The following NOM1 variants were observed in gnomAD, a reference collection of about 807,000 sequenced individuals.
NOM1 encodes nucleolar protein with MIF4G domain 1, also known as nucleolar MIF4G domain-containing protein 1.
NOM1 carries 58 observed loss-of-function variants against 73.3 expected under a neutral mutation model. The observed-to-expected ratio is 0.79, with a 90% CI of 0.64 to 0.99. The LOEUF (loss-of-function observed/expected upper bound fraction) is 0.99. Ranked by LOEUF, NOM1 falls within the 50% of genes least tolerant of loss-of-function variation. The pLI is 0.00. For synonymous variants in NOM1, 487 were observed against 446.8 expected, an observed-to-expected ratio of 1.09 and a Z score of -1.14; for missense variants, 1,226 against 1,131.9, an observed-to-expected ratio of 1.08 and a Z score of -1.19.
At chr7:156,967,791 A>G (rs6943879) in intron 9 of NOM1, among the ~76,000 whole-genome samples, 79,770 of 151,942 alleles carry the variant, frequency 0.53, 21,248 homozygotes, top group Middle Eastern at 0.65. Context: ...CCAAAGTGCT[A>G]ATATTACAGG....
chr7:156,957,712 T>G (rs1391452950), intron 3 of NOM1, among the ~76,000 whole-genome samples: 1 of 128,500 alleles, frequency 7.8e-6, no homozygotes, highest in Admixed American at 8.6e-5. Flanking sequence ...CAGGCGGAGC[T>G]TGCAGTGAGC....
chr7:156,956,445 G>C (rs953649412), intron 3 of NOM1, among the ~76,000 whole-genome samples: 2 of 152,136 alleles, frequency 1.3e-5, no homozygotes. Flanking sequence ...CTCATTGAAG[G>C]CTCATTATTT....
chr7:156,954,571 C>G (rs182537744), intron 3 of NOM1, among the ~76,000 whole-genome samples: 1 of 128,308 alleles, frequency 7.8e-6, no homozygotes, highest in African/African-American at 3.1e-5. Flanking sequence ...GTCGTCTAGG[C>G]TGGAGTGCAG....
intron 3 of NOM1, among the ~76,000 whole-genome samples, chr7:156,955,238 C>A (rs1000701473): frequency 1.3e-5 from 2 of 152,216 alleles, no homozygotes; most frequent in Admixed American, 6.5e-5. Flanking sequence ...GTTCCACAGT[C>A]ACTGCCCTCT....
At chr7:156,962,093 A>G (rs1804878630) in intron 4 of NOM1, 58 bp from the exon 5 acceptor site, 22 of 1,434,196 alleles carry the variant, frequency 1.5e-5, no homozygotes, top group East Asian at 2.3e-5. Context: ...GCCAACTTGA[A>G]TGGGCCGTTT....
At position 156,953,528 on chromosome 7, in the gene NOM1, C is replaced by G. The variant is rs757841533; in HGVS notation, c.1113-575C>G. On this transcript the variant is annotated intron_variant, in intron 2 of 10. Transcript: ENST00000275820. ...CCTGCTGCCCCTCCATGGCCTCACC[C>G]ACCCCCTTCCCCCTTGTATTGCTTT... is the stretch of plus-strand genomic sequence containing the variant. Among the ~76,000 whole-genome samples the G allele has an allele frequency of 2.6e-5, 4 of 152,150 alleles. No homozygotes were observed. The East Asian group carries it at 7.7e-4, about 29-fold the overall frequency.
At chr7:156,965,729 A>C (rs1441080748) in intron 7 of NOM1, among the ~76,000 whole-genome samples, 1 of 152,204 alleles carries the variant, frequency 6.6e-6, no homozygotes, top group East Asian at 1.9e-4. Flanking sequence ...CAGCCTGGCC[A>C]ACATGGCAAA....
Position 156,950,025 on chromosome 7 carries a change from C to T in NOM1, c.288C>T (p.Arg96=). Residue 96 remains arginine (R), a synonymous_variant, in exon 1 of 11, where the codon CGC becomes CGT. Coordinates refer to ENST00000275820, the MANE Select transcript of NOM1 (RefSeq NM_138400.2). ...RKEKRHLRKA[R]RLQRTAGPEQ... ...AGAAGCGGCACCTGCGGAAAGCACGCCGGCTGCAGAGGACGGCGGGCCCCG... is the reference window on the plus strand; with the variant it reads ...AGAAGCGGCACCTGCGGAAAGCACGTCGGCTGCAGAGGACGGCGGGCCCCG... 1.3e-6 allele frequency: 2 copies of T among 1,541,914 alleles called. No homozygotes were observed. Among genetic ancestry groups the T allele is most frequent in the South Asian group, 1.2e-5 (1 of 84,122 alleles).
In NOM1 at chr7:156,960,266, C is replaced by G. The variant is rs1052457619; in HGVS notation, c.1632+92C>G. 7 of 1,029,186 alleles carry G rather than the reference C, an allele frequency of 6.8e-6. No individual in the cohort carries two copies. In the African/African-American group the frequency reaches 8.1e-5, roughly 12 times the overall value. 63.8% of individuals were successfully genotyped at this position (1,029,186 alleles called of 1,614,324 possible). ...ATCAGTATCTGGGGTAAATATTACA[C>G]TTGCTTTCCTAGTGATTTCTGTTTT... On this transcript the variant is annotated intron_variant, in intron 4 of 10. Transcript: ENST00000275820.
In NOM1 at chr7:156,954,280, C is replaced by G. The variant is rs544195413; in HGVS notation, c.1290C>G (p.His430Gln). The change falls in exon 3 of 11, where the codon CAC becomes CAG. Residue 430 changes from histidine (H) to glutamine (Q), a missense_variant. Transcript: ENST00000275820. ...MEHVLLVSIL[H>Q]HTVGIEVGAH... Reference sequence around the variant, plus strand: ...ATGTTCTCTTAGTCAGCATCCTTCACCACACAGTTGGAATCGAGGTACAGT... The same window carrying G: ...ATGTTCTCTTAGTCAGCATCCTTCAGCACACAGTTGGAATCGAGGTACAGT... 1 of 1,597,926 alleles carries G rather than the reference C, an allele frequency of 6.3e-7. No individual in the cohort carries two copies. The highest frequency in any genetic ancestry group is 2.2e-5 in the East Asian group (1 of 44,616).
intron 1 of NOM1, among the ~76,000 whole-genome samples, chr7:156,951,848 A>C (rs1354130463): frequency 6.6e-6 from 1 of 151,804 alleles, no homozygotes; most frequent in East Asian, 1.9e-4. Flanking sequence ...CTGGGACTAC[A>C]GGCGCCCACC....
chr7:156,962,249 G>C lies in NOM1; in HGVS notation c.1731G>C (p.Leu577=). 1.2e-6 allele frequency: 2 copies of C among 1,613,646 alleles called. No individual in the cohort carries two copies. The highest frequency in any genetic ancestry group is 1.7e-6 in the Non-Finnish European group (2 of 1,179,526). The change falls in exon 5 of 11, where the codon CTG becomes CTC. Residue 577 remains leucine, a synonymous_variant. Transcript: ENST00000275820. ...DPEPVEKLRK[L]QRALVRNAGS... is the part of the protein sequence containing the mutation. ...AGCCCGTGGAGAAGCTGAGGAAACT[G>C]CAGAGAGCTTTGGTGAGTCAAGGAA...
intron 7 of NOM1, 200 bp from the exon 8 acceptor site, chr7:156,966,070 A>G: frequency 1.6e-6 from 1 of 617,416 alleles, no homozygotes; most frequent in Non-Finnish European, 2.8e-6. Flanking sequence ...ACATTTTGCC[A>G]CATTGTAGGA....
intron 3 of NOM1, among the ~76,000 whole-genome samples, chr7:156,959,324 G>A (rs10263247): frequency 0.54 from 79,084 of 146,008 alleles, 21,148 homozygotes; most frequent in Middle Eastern, 0.69. Context: ...GGATGGTCTC[G>A]ATCTCCTGAT....
chr7:156,968,413 C>T (rs751129784), intron 9 of NOM1, among the ~76,000 whole-genome samples: 11 of 152,084 alleles, frequency 7.2e-5, no homozygotes, highest in East Asian at 3.9e-4. Context: ...TCCTCGGGTC[C>T]GCAAGCGCCT....
intron 3 of NOM1, among the ~76,000 whole-genome samples, chr7:156,956,048 C>T (rs564547505): frequency 6.6e-6 from 1 of 152,098 alleles, no homozygotes; most frequent in Non-Finnish European, 1.5e-5. Flanking sequence ...AAAAAATTAG[C>T]CAGGCATGGT....
chr7:156,969,050 A>G (rs1342687250), intron 9 of NOM1, 37 bp from the exon 10 acceptor site: 2 of 1,132,714 alleles, frequency 1.8e-6, no homozygotes, highest in Non-Finnish European at 2.7e-6. Context: ...TGGCTAAATC[A>G]GTGTAACTTT....
At chr7:156,966,907 ATT>A in intron 8 of NOM1, 52 bp from the exon 9 acceptor site, 2 of 441,466 alleles carry the variant, frequency 4.5e-6, no homozygotes, top group Non-Finnish European at 6.4e-6. Flanking sequence ...TTAGTGATAT[ATT>A]ATAGTAATTT....
rs151189536 is a variant in NOM1, at chr7:156,954,600, A to T, written c.1308+302A>T. Among the ~76,000 whole-genome samples, 841 of 141,488 alleles carry T rather than the reference A, an allele frequency of 5.9e-3. 32 individuals are homozygous for T. The highest frequency in any genetic ancestry group is 1.3e-3 in the East Asian group (6 of 4,558). 92.8% of individuals were successfully genotyped at this position (141,488 alleles called of 152,430 possible). A position where few individuals can be genotyped will look rare whatever the true frequency, so the allele number is the denominator to read the frequency against. ...AGTGCAGTGGCACGATCACAGCTGC[A>T]GACTCGAGTGATCCTCCCACCTCAT... On this transcript the variant is annotated intron_variant, in intron 3 of 10. Coordinates refer to ENST00000275820, the MANE Select transcript of NOM1 (RefSeq NM_138400.2).
Sources: allele counts gnomAD v4.1 joint callset (sites outside exome capture counted in the v4.1 genomes callset), GRCh38; gene constraint gnomAD v4.1.1; transcripts MANE v1.5; gene names NCBI Gene and HGNC (gene_info 2026-07-23, HGNC 2026-07-21).